NXPE4: variants seen among roughly 807,000 people sequenced by gnomAD.
NXPE4 encodes NXPE family member 4.
Under a neutral mutation model 33.3 loss-of-function variants are expected in NXPE4, and 42 were observed. The ratio of observed to expected loss-of-function variants is 1.26; its 90% CI spans 0.98 to 1.63. NXPE4 has a LOEUF of 1.63. NXPE4 is among the 40% of genes most tolerant of loss of function. The pLI is 0.00. For missense variants in NXPE4, 709 were observed against 647.6 expected (o/e 1.09, Z -1.03); for synonymous variants, 253 against 234.9 (o/e 1.08, Z -0.71).
intron 1 of NXPE4, among the ~76,000 whole-genome samples, chr11:114,595,246 T>A (rs1250494790): frequency 6.6e-6 from 1 of 152,078 alleles, no homozygotes; most frequent in Non-Finnish European, 1.5e-5. Flanking sequence ...TCCTTTTCTG[T>A]TTTAGCAGGC....
chr11:114,625,854 C>A, the NXPE4 span, among the ~76,000 whole-genome samples: 1 of 152,124 alleles, frequency 6.6e-6, no homozygotes, highest in African/African-American at 2.4e-5. Context: ...GAGGCATTGC[C>A]TCACTCGGGA....
the NXPE4 span, among the ~76,000 whole-genome samples, chr11:114,677,521 A>C: frequency 6.6e-6 from 1 of 152,072 alleles, no homozygotes; most frequent in Non-Finnish European, 1.5e-5. Context: ...GTGGGGAAGA[A>C]TTGGCAGGAT....
chr11:114,673,047 T>G, the NXPE4 span, among the ~76,000 whole-genome samples: 1 of 148,962 alleles, frequency 6.7e-6, no homozygotes, highest in Non-Finnish European at 1.5e-5. Flanking sequence ...GACCACATAC[T>G]ATGCCATAAA....
the NXPE4 span, among the ~76,000 whole-genome samples, chr11:114,653,652 C>T: frequency 4.6e-5 from 7 of 151,720 alleles, no homozygotes; most frequent in East Asian, 1.9e-4. Flanking sequence ...CTTAGCCTCC[C>T]GAGTAGCTGG....
chr11:114,608,654 C>T, the NXPE4 span, among the ~76,000 whole-genome samples: 5 of 151,864 alleles, frequency 3.3e-5, no homozygotes, highest in African/African-American at 1.2e-4. Flanking sequence ...AGGGTAACCA[C>T]TGTTACCCGG....
intron 5 of NXPE4, among the ~76,000 whole-genome samples, chr11:114,577,014 T>G (rs1949012217): frequency 4.8e-5 from 1 of 20,818 alleles, no homozygotes. Context: ...TAAAGTTATA[T>G]ATATATATAT....
rs756270770 is a variant in NXPE4, at chr11:114,582,370, G to T, written c.748C>A (p.Pro250Thr). Reference protein sequence around the residue: ...GFYCVRPQHMPCAALTHMYSK... With the variant: ...GFYCVRPQHMTCAALTHMYSK... ...TACATGTGAGTGAGTGCAGCACAGG[G>T]CATGTGTTGAGGCCTCACACAGTAG... Residue 250 changes from proline to threonine, a missense_variant, in exon 3 of 6, where the codon CCC becomes ACC. By Grantham distance (38) the Pro-to-Thr change is conservative. Coordinates refer to ENST00000375478, the MANE Select transcript of NXPE4 (RefSeq NM_001077639.2). 1 of 1,614,018 alleles carries T rather than the reference G, an allele frequency of 6.2e-7. No individual in the cohort carries two copies. The highest frequency in any genetic ancestry group is 8.5e-7 in the Non-Finnish European group (1 of 1,179,896).
chr11:114,625,046 T>C, the NXPE4 span, among the ~76,000 whole-genome samples: 1 of 152,138 alleles, frequency 6.6e-6, no homozygotes, highest in Non-Finnish European at 1.5e-5. Context: ...TAAACACTGT[T>C]ACCCTGTGGA....
the NXPE4 span, among the ~76,000 whole-genome samples, chr11:114,643,550 A>G: frequency 6.6e-6 from 1 of 152,058 alleles, no homozygotes. Context: ...CAGGTTTGTC[A>G]AAGATCAGAT....
the NXPE4 span, among the ~76,000 whole-genome samples, chr11:114,642,778 C>A: frequency 6.6e-6 from 1 of 152,040 alleles, no homozygotes; most frequent in African/African-American, 2.4e-5. Context: ...GGTATATACC[C>A]AGTACTGGGC....
At chr11:114,597,427 T>C (rs577561062), upstream of NXPE4, among the ~76,000 whole-genome samples, 53 of 152,126 alleles carry the variant, frequency 3.5e-4, no homozygotes, top group South Asian at 6.2e-4. Flanking sequence ...AACAAGAAAA[T>C]GTAATGGGTA....
chr11:114,575,824 A>G (rs983073245), intron 5 of NXPE4, among the ~76,000 whole-genome samples: 4 of 152,138 alleles, frequency 2.6e-5, no homozygotes, highest in African/African-American at 4.8e-5. Flanking sequence ...TACCACCATC[A>G]TTCTTCACAG....
intron 4 of NXPE4, among the ~76,000 whole-genome samples, chr11:114,580,946 C>T (rs564267454): frequency 1.3e-5 from 2 of 152,126 alleles, no homozygotes; most frequent in East Asian, 1.9e-4. Flanking sequence ...GTGAGGAGCC[C>T]GTGGCAGGTT....
chr11:114,637,970 T>C, the NXPE4 span, among the ~76,000 whole-genome samples: 118 of 151,814 alleles, frequency 7.8e-4, no homozygotes, highest in Admixed American at 1.8e-3. Context: ...AGGAGTATCT[T>C]TGTGGCGTTC....
intron 2 of NXPE4, chr11:114,583,768 T>G (rs1395716037): frequency 2.1e-6 from 1 of 468,206 alleles, no homozygotes; most frequent in East Asian, 5.2e-5. Context: ...GGGTGTTGTA[T>G]GTTGACGTTG....
At chr11:114,633,027 T>A in the NXPE4 span, among the ~76,000 whole-genome samples, 1 of 111,422 alleles carries the variant, frequency 9.0e-6, no homozygotes, top group South Asian at 2.5e-4. Flanking sequence ...ATATATAATG[T>A]AATATTTTAT....
At chr11:114,580,089 G>A (rs1591334611) in intron 5 of NXPE4, 43 bp downstream of exon 5, 3 of 1,494,356 alleles carry the variant, frequency 2.0e-6, no homozygotes, top group African/African-American at 2.8e-5. Flanking sequence ...TGGAAAAGAA[G>A]TTTCTGAAAG....
Position 114,570,908 on chromosome 11 carries a change from A to T in NXPE4, c.*30T>A. The T allele has an allele frequency of 6.7e-7, 1 of 1,486,970 alleles. No individual in the cohort carries two copies. The highest frequency in any genetic ancestry group is 2.0e-5 in the Admixed American group (1 of 51,132). The allele number at this position is 1,486,970 out of a possible 1,614,324, so 92.1% of individuals were successfully genotyped here. A position where few individuals can be genotyped will look rare whatever the true frequency, so the allele number is the denominator to read the frequency against. On this transcript the variant is annotated 3_prime_UTR_variant, in exon 6 of 6. Transcript: ENST00000375478. Reference sequence around the variant, plus strand: ...AGACAGTCAATAAATTTTTTTACTTAAGTGAATGAATTTCAGACTTTTGTG... The same window carrying T: ...AGACAGTCAATAAATTTTTTTACTTTAGTGAATGAATTTCAGACTTTTGTG...
the NXPE4 span, among the ~76,000 whole-genome samples, chr11:114,605,354 C>T: frequency 2.0e-5 from 3 of 151,810 alleles, no homozygotes; most frequent in Admixed American, 1.3e-4. Flanking sequence ...TGGGTGACCA[C>T]TGTTACCTGC....
Sources: allele counts gnomAD v4.1 joint callset (sites outside exome capture counted in the v4.1 genomes callset), GRCh38; gene constraint gnomAD v4.1.1; transcripts MANE v1.5; gene names NCBI Gene and HGNC (gene_info 2026-07-23, HGNC 2026-07-21).